Variants in ADGRV1 observed in about 807,000 individuals in gnomAD.
ADGRV1 encodes adhesion G protein-coupled receptor V1, also known as G-protein coupled receptor 98.
Under a neutral mutation model 596.2 loss-of-function variants are expected in ADGRV1, and 359 were observed. The observed-to-expected ratio is 0.60, with a 90% CI of 0.55 to 0.66. The LOEUF is 0.66. ADGRV1 is among the 30% of genes least tolerant of loss of function. The pLI, the probability that ADGRV1 is intolerant of heterozygous loss-of-function variation, is 0.00. For missense variants in ADGRV1, 7,274 were observed against 7,575.6 expected (o/e 0.96, Z 1.48); for synonymous variants, 2,681 against 2,679.2 (o/e 1.00, Z -0.02).
chr5:90,664,134 T>G (rs1367545343), intron 21 of ADGRV1, among the ~76,000 whole-genome samples: 1 of 149,472 alleles, frequency 6.7e-6, no homozygotes, highest in Admixed American at 6.7e-5. Flanking sequence ...AAGCAGTTTT[T>G]TCCAATTCTG....
intron 85 of ADGRV1, among the ~76,000 whole-genome samples, chr5:91,000,421 T>C (rs1361143806): frequency 1.3e-5 from 2 of 152,174 alleles, no homozygotes; most frequent in Admixed American, 6.5e-5. Context: ...ATGAAATTAC[T>C]AGATTAAGGA....
At chr5:90,693,161 G>A (rs1048293565) in intron 32 of ADGRV1, among the ~76,000 whole-genome samples, 2 of 25,346 alleles carry the variant, frequency 7.9e-5, no homozygotes, top group African/African-American at 6.4e-4. Context: ...TTTTTGTGAG[G>A]CAGCATTGGG....
intron 79 of ADGRV1, among the ~76,000 whole-genome samples, chr5:90,851,134 T>TGTGTGTGTGAGAGAGA (rs757909771): frequency 0.039 from 3,133 of 81,346 alleles, 235 homozygotes; most frequent in East Asian, 0.14. Context: ...TGTGTGTGTG[T>TGTGTGTGTGAGAGAGA]GAGAGAGAGA....
At chr5:90,792,729 A>G (rs969513525) in intron 70 of ADGRV1, 1 of 152,240 alleles carries the variant, frequency 6.6e-6, no homozygotes, top group African/African-American at 2.4e-5. Flanking sequence ...CCTGCATTTG[A>G]GAAAGAGTAA....
intron 85 of ADGRV1, among the ~76,000 whole-genome samples, chr5:91,019,576 A>C (rs542090017): frequency 2.9e-5 from 3 of 104,880 alleles, no homozygotes; most frequent in African/African-American, 1.3e-4. Flanking sequence ...TTACTTGGTT[A>C]TTTCTCTTCT....
intron 61 of ADGRV1, among the ~76,000 whole-genome samples, chr5:90,777,215 C>T (rs1247955238): frequency 6.6e-6 from 1 of 152,034 alleles, no homozygotes; most frequent in Non-Finnish European, 1.5e-5. Context: ...GTGCTATGTA[C>T]TTTTCAACAA....
At chr5:90,612,834 T>G (rs1310207982) in intron 1 of ADGRV1, among the ~76,000 whole-genome samples, 1 of 152,074 alleles carries the variant, frequency 6.6e-6, no homozygotes, top group Non-Finnish European at 1.5e-5. Context: ...GCCTTTTGTA[T>G]GTTCACTCCA....
intron 79 of ADGRV1, 98 bp downstream of exon 79, chr5:90,848,919 T>A: frequency 1.2e-6 from 1 of 819,376 alleles, no homozygotes. Context: ...ATGATGTAAC[T>A]AAGAATGATA....
At chr5:90,570,909 T>C (rs193212247) in intron 1 of ADGRV1, among the ~76,000 whole-genome samples, 1 of 152,166 alleles carries the variant, frequency 6.6e-6, no homozygotes, top group East Asian at 1.9e-4. Context: ...GTCTAGTAAG[T>C]CTAACATCTG....
chr5:90,983,625 G>A (rs16869305), intron 84 of ADGRV1, among the ~76,000 whole-genome samples: 76,128 of 151,828 alleles, frequency 0.5, 20,675 homozygotes, highest in African/African-American at 0.71. Flanking sequence ...ACACAACCCC[G>A]CTTATTTGAG....
chr5:90,643,625 CTCTT>C (rs1275793079), intron 13 of ADGRV1, among the ~76,000 whole-genome samples, 174 bp from the exon 14 acceptor site: 1 of 152,078 alleles, frequency 6.6e-6, no homozygotes, highest in African/African-American at 2.4e-5. Context: ...TTTCTGGTGT[CTCTT>C]AATTGATAGG....
At chr5:90,567,196 G>T (rs1488518165) in intron 1 of ADGRV1, among the ~76,000 whole-genome samples, 3 of 151,862 alleles carry the variant, frequency 2.0e-5, no homozygotes, top group South Asian at 2.1e-4. Context: ...TACTGGATTT[G>T]GTTTGCTAGT....
chr5:90,850,346 T>C (rs1043380256), intron 79 of ADGRV1, among the ~76,000 whole-genome samples: 4 of 152,154 alleles, frequency 2.6e-5, no homozygotes, highest in Non-Finnish European at 5.9e-5. Flanking sequence ...CAGAAAAGCC[T>C]CACATGGGGC....
At chr5:91,102,406 C>A in intron 87 of ADGRV1, 66 bp downstream of exon 87, 1 of 1,405,454 alleles carries the variant, frequency 7.1e-7, no homozygotes, top group Non-Finnish European at 9.5e-7. Flanking sequence ...CATAGAATTT[C>A]AATATTAAAG....
chr5:90,754,506 G>A (rs988459154), intron 54 of ADGRV1, among the ~76,000 whole-genome samples: 1 of 152,146 alleles, frequency 6.6e-6, no homozygotes, highest in Admixed American at 6.6e-5. Flanking sequence ...TAAAAGTTAG[G>A]TGCTGTGAAA....
chr5:90,594,753 T>C (rs1482119965), intron 1 of ADGRV1, among the ~76,000 whole-genome samples: 2 of 150,696 alleles, frequency 1.3e-5, no homozygotes, highest in East Asian at 1.9e-4. Context: ...TTAATCCATT[T>C]AACTCTGAGT....
At chr5:90,899,747 C>T (rs1445418932) in intron 83 of ADGRV1, among the ~76,000 whole-genome samples, 2 of 139,452 alleles carry the variant, frequency 1.4e-5, no homozygotes, top group Non-Finnish European at 3.2e-5. Flanking sequence ...TGCTTACCAA[C>T]CTATCATACC....
intron 85 of ADGRV1, among the ~76,000 whole-genome samples, chr5:90,988,287 T>C (rs1160346313): frequency 6.6e-6 from 1 of 152,222 alleles, no homozygotes; most frequent in Non-Finnish European, 1.5e-5. Context: ...GTTCAGTATT[T>C]TAAGATGGAT....
At chr5:91,156,380 A>G (rs1168771874) in intron 89 of ADGRV1, among the ~76,000 whole-genome samples, 1 of 152,106 alleles carries the variant, frequency 6.6e-6, no homozygotes, top group Non-Finnish European at 1.5e-5. Context: ...AAAGAAAAAC[A>G]AAGAGGAAGG....
Sources: allele counts gnomAD v4.1 joint callset (sites outside exome capture counted in the v4.1 genomes callset), GRCh38; gene constraint gnomAD v4.1.1; transcripts MANE v1.5; gene names NCBI Gene and HGNC (gene_info 2026-07-23, HGNC 2026-07-21).